The following FGF13 variants were observed in gnomAD, a reference collection of about 807,000 sequenced individuals.
FGF13 encodes the protein fibroblast growth factor 13.
Under a neutral mutation model 19.5 loss-of-function variants are expected in FGF13, and 2 were observed. The ratio of observed to expected loss-of-function variants is 0.10; its 90% confidence interval spans 0.04 to 0.32. The LOEUF is 0.32. FGF13 is among the 10% of genes least tolerant of loss of function. FGF13 has a pLI of 1.00. For synonymous variants in FGF13, 72 were observed against 76.9 expected, an observed-to-expected ratio of 0.94 and a Z score of 0.33; for missense variants, 113 against 192.7, an observed-to-expected ratio of 0.59 and a Z score of 2.45.
chrX:139,117,482 G>A (rs2083647861), intron 1 of FGF13, among the ~76,000 whole-genome samples: 3 of 111,317 alleles, frequency 2.7e-5, no homozygotes, highest in Non-Finnish European at 5.7e-5. Flanking sequence ...ATCCATGCAT[G>A]TAGGCATCTA....
intron 1 of FGF13, among the ~76,000 whole-genome samples, chrX:138,889,170 T>G (rs1195327201): frequency 9.0e-6 from 1 of 111,226 alleles, no homozygotes; most frequent in Non-Finnish European, 1.9e-5. Context: ...AGGGTTGGGG[T>G]GTAGGGGGAG....
chrX:138,770,031 C>T (rs147733451), intron 3 of FGF13, among the ~76,000 whole-genome samples: 1,217 of 112,078 alleles, frequency 0.011, 14 homozygotes, highest in African/African-American at 0.037. Flanking sequence ...GTGACAAAAA[C>T]GGTTATGTGG....
chrX:139,042,872 A>G (rs2092274952), intron 1 of FGF13, among the ~76,000 whole-genome samples: 1 of 111,993 alleles, frequency 8.9e-6, no homozygotes, highest in African/African-American at 3.3e-5. Flanking sequence ...CGATTTCATT[A>G]AAAATTAGTG....
chrX:138,928,326 T>C (rs908758703), intron 1 of FGF13, among the ~76,000 whole-genome samples: 2 of 110,623 alleles, frequency 1.8e-5, no homozygotes, highest in African/African-American at 6.5e-5. Context: ...ATAATTTAAA[T>C]ATTTTAAAGT....
chrX:138,784,319 A>T (rs936861908), intron 3 of FGF13, among the ~76,000 whole-genome samples: 2 of 104,335 alleles, frequency 1.9e-5, no homozygotes. Context: ...GTATAATAAT[A>T]AAAAAAAAAT....
chrX:138,650,887 C>T (rs747921507), intron 3 of FGF13, among the ~76,000 whole-genome samples: 3 of 111,594 alleles, frequency 2.7e-5, no homozygotes, highest in East Asian at 2.8e-4. Context: ...TTGTATAAGG[C>T]GGCTCCATTT....
At chrX:139,094,253 T>C (rs1357747265) in intron 1 of FGF13, among the ~76,000 whole-genome samples, 1 of 111,341 alleles carries the variant, frequency 9.0e-6, no homozygotes, top group Non-Finnish European at 1.9e-5. Flanking sequence ...TATATCTCTG[T>C]TAATGGTGCT....
chrX:139,003,242 T>G (rs1357173058), intron 1 of FGF13, among the ~76,000 whole-genome samples: 2 of 109,390 alleles, frequency 1.8e-5, no homozygotes, highest in East Asian at 5.8e-4. Context: ...TCGCGGTGAG[T>G]GTTACAGCTC....
chrX:139,108,222 G>A (rs972168161), intron 1 of FGF13, among the ~76,000 whole-genome samples: 1 of 112,186 alleles, frequency 8.9e-6, no homozygotes, highest in Non-Finnish European at 1.9e-5. Flanking sequence ...AGAAACCTAT[G>A]TAAGAAAATA....
At chrX:138,820,100 A>T (rs1306105336) in intron 3 of FGF13, among the ~76,000 whole-genome samples, 3 of 112,337 alleles carry the variant, frequency 2.7e-5, no homozygotes, top group South Asian at 7.4e-4. Context: ...TAGGTGGTAC[A>T]TAGTATTAAA....
At chrX:138,911,625 A>G (rs2091588465) in intron 1 of FGF13, among the ~76,000 whole-genome samples, 1 of 111,933 alleles carries the variant, frequency 8.9e-6, no homozygotes, top group Non-Finnish European at 1.9e-5. Flanking sequence ...TAAAAGTTAA[A>G]AAAAAACAGT....
chrX:138,903,365 C>T (rs145228124), intron 1 of FGF13, among the ~76,000 whole-genome samples: 1,819 of 111,748 alleles, frequency 0.016, 18 homozygotes, highest in Non-Finnish European at 0.027. Flanking sequence ...CCCCAAGCAT[C>T]TCTACCACAT....
intron 1 of FGF13, among the ~76,000 whole-genome samples, chrX:138,877,843 T>C (rs2091399635): frequency 8.9e-6 from 1 of 112,593 alleles, no homozygotes; most frequent in African/African-American, 3.2e-5. Context: ...GATTCTCAGG[T>C]TGTTTCCACC....
chrX:138,968,851 A>G (rs1306608638), intron 1 of FGF13, among the ~76,000 whole-genome samples: 1 of 112,214 alleles, frequency 8.9e-6, no homozygotes, highest in Non-Finnish European at 1.9e-5. Flanking sequence ...AGTTGTAGAA[A>G]TAATGTATCC....
At chrX:138,899,658 T>A (rs1264379527) in intron 1 of FGF13, among the ~76,000 whole-genome samples, 1 of 111,547 alleles carries the variant, frequency 9.0e-6, no homozygotes, top group Non-Finnish European at 1.9e-5. Context: ...CAAAACTATG[T>A]ACATGATGGG....
chrX:138,860,172 CTTTAA>C (rs1224542001), intron 2 of FGF13, among the ~76,000 whole-genome samples: 6 of 111,790 alleles, frequency 5.4e-5, no homozygotes, highest in Non-Finnish European at 7.5e-5. Flanking sequence ...TATAAAATCT[CTTTAA>C]TTTGAGATAT....
intron 1 of FGF13, among the ~76,000 whole-genome samples, chrX:139,073,113 T>C (rs949458526): frequency 9.5e-6 from 1 of 105,202 alleles, no homozygotes. Flanking sequence ...GTTTTATTTT[T>C]TCTAGTTTGG....
rs1166766675 is a variant in FGF13 at position 138,626,788 on chromosome X, C to CTAAATATGTTGG, written c.*6050_*6061dup. On this transcript the variant is annotated 3_prime_UTR_variant, in exon 5 of 5. Coordinates refer to ENST00000315930, the MANE Select transcript of FGF13 (RefSeq NM_004114.5). ...GTGTTTGTTCTGTGTATATCTGGCA[C>CTAAATATGTTGG]TAAATATGTTGGTAAATATATTGGT... The CTAAATATGTTGG allele has an allele frequency of 9.0e-6, 1 of 111,654 alleles. No homozygotes were observed. The highest frequency in any genetic ancestry group is 2.8e-4 in the East Asian group (1 of 3,552). The allele number at this position is 111,654 out of a possible 1,213,427, so 9.2% of individuals were successfully genotyped here.
intron 1 of FGF13, among the ~76,000 whole-genome samples, chrX:139,020,383 G>A (rs762610567): frequency 1.3e-4 from 14 of 111,068 alleles, no homozygotes; most frequent in Non-Finnish European, 2.5e-4. Flanking sequence ...TGCACAGAGA[G>A]CAGCAACTTT....
Sources: gnomAD v4.1 joint callset for allele counts (sites outside exome capture counted in the v4.1 genomes callset) on GRCh38, gnomAD v4.1.1 for gene constraint, MANE v1.5 for transcripts, NCBI Gene and HGNC (gene_info 2026-07-23, HGNC 2026-07-21) for gene names.